Variants in PDE4D observed in about 807,000 individuals in gnomAD.
PDE4D encodes the protein phosphodiesterase 4D, also known as 3',5'-cyclic-AMP phosphodiesterase 4D.
In PDE4D, 24 loss-of-function variants were observed where a neutral mutation model predicts 87.4. The ratio of observed to expected loss-of-function variants is 0.27; its 90% CI spans 0.20 to 0.39. PDE4D has a LOEUF of 0.39. Among genes scored for constraint, PDE4D ranks in the 10% least tolerant of loss-of-function variants. PDE4D has a pLI of 1.00. For synonymous variants in PDE4D, 384 were observed against 383.2 expected (o/e 1.00, Z -0.02); for missense variants, 714 against 1,041.0 (o/e 0.69, Z 4.32).
At chr5:60,062,004 G>A (rs1771465404) in intron 2 of PDE4D, among the ~76,000 whole-genome samples, 1 of 152,108 alleles carries the variant, frequency 6.6e-6, no homozygotes, top group Non-Finnish European at 1.5e-5. Flanking sequence ...ACATAGGCAT[G>A]GGCAAAGATT....
intron 2 of PDE4D, among the ~76,000 whole-genome samples, chr5:60,024,262 C>A (rs1479177414): frequency 2.0e-5 from 3 of 152,024 alleles, no homozygotes; most frequent in Non-Finnish European, 4.4e-5. Context: ...CACACATAAC[C>A]ACTGGTTCAA....
chr5:59,854,762 G>GA (rs1001024154), intron 1 of PDE4D, among the ~76,000 whole-genome samples: 11 of 151,706 alleles, frequency 7.3e-5, no homozygotes, highest in African/African-American at 1.9e-4. Flanking sequence ...CAAGTAAAAA[G>GA]AAAAAAAATG....
At chr5:59,178,029 G>A (rs1486555232) in intron 5 of PDE4D, among the ~76,000 whole-genome samples, 3 of 152,130 alleles carry the variant, frequency 2.0e-5, no homozygotes, top group Admixed American at 2.0e-4. Context: ...AGAGGGTGGG[G>A]CCTGAGTGGT....
At chr5:59,134,015 G>A (rs1040113576) in intron 5 of PDE4D, among the ~76,000 whole-genome samples, 1 of 109,596 alleles carries the variant, frequency 9.1e-6, no homozygotes, top group Non-Finnish European at 1.9e-5. Flanking sequence ...TTGTTGTTGG[G>A]AAGCTCTGAC....
intron 1 of PDE4D, among the ~76,000 whole-genome samples, chr5:59,839,840 A>G (rs1175311323): frequency 3.3e-5 from 5 of 152,082 alleles, no homozygotes; most frequent in Non-Finnish European, 7.4e-5. Context: ...CCATAGAAAT[A>G]CAGTGCCCAC....
Position 59,185,217 on chromosome 5 carries a change from T to C in PDE4D, c.730A>G (p.Thr244Ala). 1 of 1,612,920 alleles carries C rather than the reference T, an allele frequency of 6.2e-7. No individual in the cohort carries two copies. The highest frequency in any genetic ancestry group is 8.5e-7 in the Non-Finnish European group (1 of 1,179,174). The change falls in exon 4 of 15, where the codon ACT (threonine) becomes GCT (alanine). Residue 244 changes from threonine to alanine, a missense_variant. By Grantham distance (58) the Thr-to-Ala change is moderately conservative (BLOSUM62 0). Transcript: ENST00000340635. Reference protein sequence around the residue: ...RTVRNNFAALTNLQDRAPSKR... With the variant: ...RTVRNNFAALANLQDRAPSKR... ...CTAGGTGCTCGATCTTGCAAATTAG[T>C]TAATGCAGCAAAGTTGTTTCGTACA...
chr5:60,006,532 C>A (rs1488521492), intron 2 of PDE4D, among the ~76,000 whole-genome samples: 1 of 151,796 alleles, frequency 6.6e-6, no homozygotes, highest in Non-Finnish European at 1.5e-5. Flanking sequence ...CAATATGTCC[C>A]CCATGCCCTA....
intron 1 of PDE4D, among the ~76,000 whole-genome samples, chr5:59,836,540 G>A (rs1391940658): frequency 6.6e-6 from 1 of 151,926 alleles, no homozygotes; most frequent in African/African-American, 2.4e-5. Flanking sequence ...ATTGAAGGCT[G>A]AGCTCAGCTT....
intron 1 of PDE4D, among the ~76,000 whole-genome samples, chr5:59,660,923 C>T (rs902907604): frequency 6.6e-6 from 1 of 151,920 alleles, no homozygotes; most frequent in Non-Finnish European, 1.5e-5. Flanking sequence ...AAACTCTAAT[C>T]TACCACTCTT....
chr5:59,098,612 G>A (rs1207677692), intron 5 of PDE4D, among the ~76,000 whole-genome samples: 3 of 145,518 alleles, frequency 2.1e-5, no homozygotes, highest in Admixed American at 7.1e-5. Context: ...GCTGAAGTGG[G>A]AGAATTGCTT....
chr5:60,144,755 A>T (rs939741766), intron 2 of PDE4D, among the ~76,000 whole-genome samples: 1 of 152,184 alleles, frequency 6.6e-6, no homozygotes, highest in Non-Finnish European at 1.5e-5. Context: ...CTTCTTCACT[A>T]TACTTAAGCA....
At chr5:59,353,584 T>C (rs190443124) in intron 1 of PDE4D, among the ~76,000 whole-genome samples, 1 of 152,234 alleles carries the variant, frequency 6.6e-6, no homozygotes, top group Non-Finnish European at 1.5e-5. Flanking sequence ...GCCCTAATGC[T>C]AACACTGATC....
intron 1 of PDE4D, among the ~76,000 whole-genome samples, chr5:60,466,295 G>C (rs1747347706): frequency 6.6e-6 from 1 of 152,162 alleles, no homozygotes; most frequent in South Asian, 2.1e-4. Flanking sequence ...TCAAGACAGA[G>C]ACCCTCACGG....
intron 5 of PDE4D, among the ~76,000 whole-genome samples, chr5:59,099,561 G>A (rs1770373981): frequency 6.6e-6 from 1 of 152,004 alleles, no homozygotes; most frequent in South Asian, 2.1e-4. Context: ...GCCGCAAAAT[G>A]TGACAGTACG....
At chr5:59,162,673 T>TAA (rs752188115) in intron 5 of PDE4D, among the ~76,000 whole-genome samples, 10 of 131,184 alleles carry the variant, frequency 7.6e-5, no homozygotes, top group African/African-American at 1.4e-4. Flanking sequence ...ATCCTGTCTC[T>TAA]AAAAAAAAAA....
At chr5:60,097,175 T>C (rs1257014973) in intron 2 of PDE4D, among the ~76,000 whole-genome samples, 3 of 151,664 alleles carry the variant, frequency 2.0e-5, no homozygotes, top group Non-Finnish European at 1.5e-5. Context: ...AGATGGAAAA[T>C]AGGAATGAAA....
chr5:60,337,388 T>TATATATAC (rs66871903), intron 1 of PDE4D, among the ~76,000 whole-genome samples: 79 of 89,412 alleles, frequency 8.8e-4, no homozygotes, highest in African/African-American at 1.5e-3. Context: ...TATATATATA[T>TATATATAC]ACACACACAC....
chr5:60,338,348 C>T (rs1019782040), intron 1 of PDE4D, among the ~76,000 whole-genome samples: 1 of 152,206 alleles, frequency 6.6e-6, no homozygotes, highest in Admixed American at 6.5e-5. Context: ...GCAAGAATCA[C>T]GACCACTATC....
chr5:59,772,894 A>G (rs1030311681), intron 1 of PDE4D, among the ~76,000 whole-genome samples: 1 of 152,322 alleles, frequency 6.6e-6, no homozygotes. Context: ...CCCCAGAAGT[A>G]CTAGTTACTA....
Sources: gnomAD v4.1 joint callset for allele counts (sites outside exome capture counted in the v4.1 genomes callset) on GRCh38, gnomAD v4.1.1 for gene constraint, MANE v1.5 for transcripts, NCBI Gene and HGNC (gene_info 2026-07-23, HGNC 2026-07-21) for gene names.